The following MOXD1 variants were observed in gnomAD, a reference collection of about 807,000 sequenced individuals.
MOXD1 encodes the protein DBH-like monooxygenase protein 1.
In MOXD1, 62 loss-of-function variants were observed where a neutral mutation model predicts 66.6. The observed-to-expected ratio is 0.93, with a 90% CI of 0.76 to 1.15. The LOEUF (loss-of-function observed/expected upper bound fraction) is 1.15, where lower values mean the gene tolerates loss of function less well. Among genes scored for constraint, MOXD1 ranks in the 50% most tolerant of loss-of-function variants. The pLI, the probability that MOXD1 is intolerant of heterozygous loss-of-function variation, is 0.00. For synonymous variants in MOXD1, 303 were observed against 281.9 expected (o/e 1.07, Z -0.75); for missense variants, 847 against 754.6 (o/e 1.12, Z -1.44).
Position 132,315,690 on chromosome 6 carries a change from C to T in MOXD1, c.1453G>A (p.Asp485Asn). The change falls in exon 10 of 12, where the codon GAC becomes AAC. Residue 485 changes from aspartate (D) to asparagine (N), a missense_variant. Coordinates refer to ENST00000367963, the MANE Select transcript of MOXD1 (RefSeq NM_015529.4). ...ATGAACTGAAGTTGTTCCATAATGT[C>T]TGGAATACTTGCACATCGAGTAAGA... ...INLTRCASIP[D>N]IMEQLQFIGV... 1 of 1,613,474 alleles carries T rather than the reference C, an allele frequency of 6.2e-7. No homozygotes were observed. Among genetic ancestry groups the T allele is most frequent in the African/African-American group, 1.3e-5 (1 of 74,992 alleles).
At position 132,328,086 on chromosome 6, in the gene MOXD1, T is replaced by A; in HGVS notation, c.873A>T (p.Leu291Phe). The A allele has an allele frequency of 6.2e-7, 1 of 1,613,854 alleles. No homozygotes were observed. The highest frequency in any genetic ancestry group is 8.5e-7 in the Non-Finnish European group (1 of 1,179,838). Residue 291 changes from leucine to phenylalanine, a missense_variant, in exon 6 of 12, where the codon TTA becomes TTT. By Grantham distance (22) the Leu-to-Phe change is conservative. Coordinates refer to ENST00000367963, the MANE Select transcript of MOXD1 (RefSeq NM_015529.4). ...EGFSYPPHVG[L>F]SLGTPLDPHY... is the part of the protein sequence containing the mutation. ...GCGGATCTAATGGAGTGCCAAGGGA[T>A]AATCCAACATGAGGTGGATAAGAAA...
At chr6:132,355,216 T>C (rs918995322) in intron 4 of MOXD1, among the ~76,000 whole-genome samples, 3 of 152,094 alleles carry the variant, frequency 2.0e-5, no homozygotes, top group Non-Finnish European at 2.9e-5. Context: ...GGGACTTCCT[T>C]CTCCCTGTGG....
intron 1 of MOXD1, among the ~76,000 whole-genome samples, chr6:132,379,798 C>G (rs1278377327): frequency 6.6e-6 from 1 of 152,158 alleles, no homozygotes; most frequent in Non-Finnish European, 1.5e-5. Context: ...TCCTAGCTAT[C>G]TAAATTCAAA....
At chr6:132,382,018 C>A (rs771844833) in intron 1 of MOXD1, among the ~76,000 whole-genome samples, 1 of 152,028 alleles carries the variant, frequency 6.6e-6, no homozygotes, top group Non-Finnish European at 1.5e-5. Flanking sequence ...TCCTATGGTG[C>A]TTTATATTCC....
At position 132,349,412 on chromosome 6, in the gene MOXD1, T is replaced by TATATATACATATATATAC. The variant is rs1554234236; in HGVS notation, c.664-20819_664-20818insGTATATATATGTATATAT. On this transcript the variant is annotated intron_variant, in intron 4 of 11. Coordinates refer to ENST00000367963, the MANE Select transcript of MOXD1 (RefSeq NM_015529.4). ...ATATATACACATATATATACATATA[T>TATATATACATATATATAC]ATATATATACATATATATATATACA... Among the ~76,000 whole-genome samples the TATATATACATATATATAC allele has an allele frequency of 3.6e-5, 3 of 84,420 alleles. 1 individual carries two copies. Among genetic ancestry groups the TATATATACATATATATAC allele is most frequent in the African/African-American group, 2.2e-4 (3 of 13,864 alleles). The allele number at this position is 84,420 out of a possible 152,430, so 55.4% of individuals were successfully genotyped here.
chr6:132,374,836 A>C, intron 1 of MOXD1, 59 bp from the exon 2 acceptor site: 4 of 1,481,054 alleles, frequency 2.7e-6, no homozygotes, highest in Non-Finnish European at 3.7e-6. Context: ...AAAAGAATTC[A>C]TAGGACCTTT....
chr6:132,301,996 G>A (rs4897573), intron 10 of MOXD1, among the ~76,000 whole-genome samples: 70,292 of 151,972 alleles, frequency 0.46, 18,077 homozygotes, highest in East Asian at 0.69. Flanking sequence ...AGGAGATGAA[G>A]ACCAGAGTTA....
At chr6:132,338,984 C>A (rs1775495819) in intron 4 of MOXD1, among the ~76,000 whole-genome samples, 1 of 152,162 alleles carries the variant, frequency 6.6e-6, no homozygotes, top group African/African-American at 2.4e-5. Context: ...TAAGTCTATA[C>A]AAGTAATCCA....
At chr6:132,299,636 G>T (rs1290094131) in intron 10 of MOXD1, among the ~76,000 whole-genome samples, 1 of 152,022 alleles carries the variant, frequency 6.6e-6, no homozygotes, top group African/African-American at 2.4e-5. Flanking sequence ...TAGTTTTCAG[G>T]TGTTGTCTTT....
chr6:132,354,698 G>C (rs1398430165), intron 4 of MOXD1, among the ~76,000 whole-genome samples: 3 of 152,198 alleles, frequency 2.0e-5, no homozygotes, highest in African/African-American at 7.2e-5. Context: ...AGTGGTGGTG[G>C]GCGGGGCCCT....
intron 1 of MOXD1, among the ~76,000 whole-genome samples, chr6:132,397,751 A>G (rs1312041473): frequency 6.6e-6 from 1 of 152,144 alleles, no homozygotes; most frequent in Non-Finnish European, 1.5e-5. Context: ...AAATAAAAGA[A>G]CAAACAGAAG....
rs1562289935 is a variant in MOXD1, at chr6:132,349,422, CATATATATATATACATATATATATATAT to C, written c.664-20856_664-20829del. Among the ~76,000 whole-genome samples the C allele has an allele frequency of 3.5e-4, 13 of 36,944 alleles. 1 individual carries two copies. Among genetic ancestry groups the C allele is most frequent in the African/African-American group, 8.1e-4 (7 of 8,678 alleles). 24.2% of individuals were successfully genotyped at this position (36,944 alleles called of 152,430 possible). Reference sequence around the variant, plus strand: ...ATATATATACATATATATATATATACATATATATATATACATATATATATATATACATATATATATATACATATATATA... The same window carrying C: ...ATATATATACATATATATATATATACACATATATATATATACATATATATA... On this transcript the variant is annotated intron_variant, in intron 4 of 11. Coordinates refer to ENST00000367963, the MANE Select transcript of MOXD1 (RefSeq NM_015529.4).
rs1774403842 is a variant in MOXD1 at position 132,296,562 on chromosome 6, A to C, written c.*591T>G. The C allele has an allele frequency of 6.6e-6, 1 of 152,352 alleles. No homozygotes were observed. The highest frequency in any genetic ancestry group is 1.5e-5 in the Non-Finnish European group (1 of 68,164). 9.4% of individuals were successfully genotyped at this position (152,352 alleles called of 1,614,324 possible). A position where few individuals can be genotyped will look rare whatever the true frequency, so the allele number is the denominator to read the frequency against. ...AGATGGGTGTGGGGTCATTTGGGGT[A>C]CCAACAGACTCAGATAAACAAGGGA... On this transcript the variant is annotated 3_prime_UTR_variant, in exon 12 of 12. Transcript: ENST00000367963.
Position 132,325,496 on chromosome 6 carries a change from G to T in MOXD1, c.947-1399C>A, listed in dbSNP as rs140028786. Among the ~76,000 whole-genome samples the T allele has an allele frequency of 2.6e-3, 395 of 152,312 alleles. 4 individuals are homozygous for T. The highest frequency in any genetic ancestry group is 9.0e-3 in the African/African-American group (375 of 41,568). ...AGAAGTGGCTTTGTTCTCTCTTGCT[G>T]TCTTTACCCTTCCACCATGTGAAGC... On this transcript the variant is annotated intron_variant, in intron 6 of 11. Transcript: ENST00000367963.
At chr6:132,374,363 T>C (rs544975328) in intron 2 of MOXD1, among the ~76,000 whole-genome samples, 2 of 152,256 alleles carry the variant, frequency 1.3e-5, no homozygotes, top group African/African-American at 4.8e-5. Context: ...AAAATGTATT[T>C]ATGGCTAAAT....
chr6:132,332,562 A>G (rs1775345127), intron 4 of MOXD1, among the ~76,000 whole-genome samples: 1 of 152,206 alleles, frequency 6.6e-6, no homozygotes. Context: ...AGACACCAAG[A>G]ATGTTCCTTA....
rs1554239404 is a variant in MOXD1 at position 132,398,935 on chromosome 6, C to CACAAA, written c.264+2227_264+2228insTTTGT. On this transcript the variant is annotated intron_variant, in intron 1 of 11. Coordinates refer to ENST00000367963, the MANE Select transcript of MOXD1 (RefSeq NM_015529.4). The stretch of plus-strand genomic sequence containing the variant: ...CCTGGGCAATAAAGAGAGACTTTGT[C>CACAAA]AAAAAAAAAAAAAAAAAAAAGAGAA... 9.7e-4 allele frequency among the ~76,000 whole-genome samples: 73 copies of CACAAA among 75,016 alleles called. 1 individual carries two copies. The highest frequency in any genetic ancestry group is 2.6e-3 in the African/African-American group (60 of 23,314). 49.2% of individuals were successfully genotyped at this position (75,016 alleles called of 152,430 possible). A position where few individuals can be genotyped will look rare whatever the true frequency, so the allele number is the denominator to read the frequency against.
At chr6:132,310,291 A>G (rs1774799592) in intron 10 of MOXD1, among the ~76,000 whole-genome samples, 1 of 152,174 alleles carries the variant, frequency 6.6e-6, no homozygotes, top group South Asian at 2.1e-4. Context: ...AAAACCACAA[A>G]GAGATACCAT....
At chr6:132,367,681 T>G (rs1309667465) in intron 4 of MOXD1, among the ~76,000 whole-genome samples, 1 of 152,078 alleles carries the variant, frequency 6.6e-6, no homozygotes, top group Non-Finnish European at 1.5e-5. Context: ...ATTAATAGTT[T>G]TGTAAGTGTC....
Sources: allele counts gnomAD v4.1 joint callset (sites outside exome capture counted in the v4.1 genomes callset), GRCh38; gene constraint gnomAD v4.1.1; transcripts MANE v1.5; gene names NCBI Gene and HGNC (gene_info 2026-07-23, HGNC 2026-07-21).